CLEC9A: variants seen among roughly 807,000 people sequenced by gnomAD.
The protein encoded by CLEC9A is C-type lectin domain family 9 member A.
CLEC9A carries 24 observed loss-of-function variants against 30.0 expected under a neutral mutation model. The ratio of observed to expected loss-of-function variants is 0.80; its 90% CI spans 0.58 to 1.13. The LOEUF (loss-of-function observed/expected upper bound fraction) is 1.13. Ranked by LOEUF, CLEC9A falls within the 50% of genes most tolerant of loss-of-function variation. The probability of loss-of-function intolerance (pLI) is 0.00; values close to 1 mark genes in which losing one functional copy is unlikely to be tolerated. For missense variants in CLEC9A, 251 were observed against 280.9 expected (o/e 0.89, Z 0.76); for synonymous variants, 111 against 96.8 (o/e 1.15, Z -0.86).
chr12:10,033,845 G>A (rs1865721468), intron 1 of CLEC9A, among the ~76,000 whole-genome samples: 1 of 152,014 alleles, frequency 6.6e-6, no homozygotes, highest in Admixed American at 6.6e-5. Context: ...CCCAGAGAAT[G>A]GCCAGAATGA....
Position 10,063,086 on chromosome 12 carries a change from G to T in CLEC9A, c.351G>T (p.Trp117Cys). 1 of 1,607,926 alleles carries T rather than the reference G, an allele frequency of 6.2e-7. No homozygotes were observed. The highest frequency in any genetic ancestry group is 8.5e-7 in the Non-Finnish European group (1 of 1,177,996). The change falls in exon 7 of 9, where the codon TGG becomes TGT. Residue 117 changes from tryptophan to cysteine, a missense_variant. Physicochemically the swap from Trp to Cys is radical, Grantham distance 215. Transcript: ENST00000355819. ...ACAGCAGTCCTTGTCCAAACAATTG[G>T]ATTCAGAACAGAGAAAGTTGTTACT... ...AHNSSPCPNN[W>C]IQNRESCYYV...
chr12:10,037,729 A>G (rs551668833), intron 1 of CLEC9A, among the ~76,000 whole-genome samples: 1 of 152,334 alleles, frequency 6.6e-6, no homozygotes, highest in African/African-American at 2.4e-5. Flanking sequence ...AATCTTACAT[A>G]AAAGGATGTT....
intron 4 of CLEC9A, among the ~76,000 whole-genome samples, chr12:10,053,464 A>C (rs1591891320): frequency 1.3e-5 from 2 of 152,082 alleles, no homozygotes; most frequent in African/African-American, 4.8e-5. Context: ...AACCTCTTTA[A>C]ATGTTTCTCA....
chr12:10,034,003 G>T (rs1865723733), intron 1 of CLEC9A, among the ~76,000 whole-genome samples: 1 of 152,194 alleles, frequency 6.6e-6, no homozygotes, highest in African/African-American at 2.4e-5. Flanking sequence ...ATGGATATAG[G>T]ATGGAATTTA....
rs1866040725 is a variant in CLEC9A, at chr12:10,065,771, TAC to T, written c.*142_*143del. The T allele has an allele frequency of 2.6e-6, 2 of 766,676 alleles. No individual in the cohort carries two copies. Among genetic ancestry groups the T allele is most frequent in the East Asian group, 2.7e-5 (1 of 36,800 alleles). The allele number at this position is 766,676 out of a possible 1,614,324, so 47.5% of individuals were successfully genotyped here. A position where few individuals can be genotyped will look rare whatever the true frequency, so the allele number is the denominator to read the frequency against. On this transcript the variant is annotated 3_prime_UTR_variant, in exon 9 of 9. Transcript: ENST00000355819. The stretch of plus-strand genomic sequence containing the variant: ...AAATTAGCAACCTGGGACTCAATAA[TAC>T]ACTTGGGAATATTCTTCCACACCGT...
At chr12:10,064,182 A>G (rs1430895399) in intron 7 of CLEC9A, among the ~76,000 whole-genome samples, 1 of 152,212 alleles carries the variant, frequency 6.6e-6, no homozygotes, top group Non-Finnish European at 1.5e-5. Flanking sequence ...AAAAATCATG[A>G]GAAAATAATT....
At chr12:10,049,144 A>T (rs761989672) in intron 2 of CLEC9A, among the ~76,000 whole-genome samples, 1 of 141,058 alleles carries the variant, frequency 7.1e-6, no homozygotes, top group Non-Finnish European at 1.5e-5. Context: ...ATATTTTGAG[A>T]AAAAAAAAAG....
At chr12:10,032,187 G>A (rs1284835337) in intron 1 of CLEC9A, among the ~76,000 whole-genome samples, 1 of 152,186 alleles carries the variant, frequency 6.6e-6, no homozygotes, top group East Asian at 1.9e-4. Context: ...TTGGAAGGCA[G>A]TGTGGCAGTT....
intron 1 of CLEC9A, among the ~76,000 whole-genome samples, chr12:10,040,622 T>A (rs1865786439): frequency 6.6e-6 from 1 of 151,868 alleles, no homozygotes; most frequent in Non-Finnish European, 1.5e-5. Context: ...GGCTAATTTT[T>A]TGTATTTTTA....
At chr12:10,054,138 TC>T in intron 4 of CLEC9A, 132 bp from the exon 5 acceptor site, 1 of 720,200 alleles carries the variant, frequency 1.4e-6, no homozygotes, top group Non-Finnish European at 2.4e-6. Flanking sequence ...CTTTTACACA[TC>T]CCAGGCCCCA....
At chr12:10,049,294 G>A (rs1865874057) in intron 2 of CLEC9A, among the ~76,000 whole-genome samples, 1 of 152,112 alleles carries the variant, frequency 6.6e-6, no homozygotes, top group Non-Finnish European at 1.5e-5. Flanking sequence ...TAATTCTTAA[G>A]GTCTCTAGGG....
At chr12:10,051,219 A>G (rs1865890178) in intron 2 of CLEC9A, among the ~76,000 whole-genome samples, 2 of 151,790 alleles carry the variant, frequency 1.3e-5, no homozygotes, top group African/African-American at 4.8e-5. Flanking sequence ...AAAAAAAAAA[A>G]TGAATAAATA....
At chr12:10,035,407 C>T (rs762656275) in intron 1 of CLEC9A, among the ~76,000 whole-genome samples, 6 of 152,192 alleles carry the variant, frequency 3.9e-5, no homozygotes, top group Non-Finnish European at 8.8e-5. Context: ...TTCTGTATCA[C>T]ATATGTTCAA....
chr12:10,037,437 A>G (rs543472799), intron 1 of CLEC9A, among the ~76,000 whole-genome samples: 22 of 152,132 alleles, frequency 1.4e-4, no homozygotes, highest in Non-Finnish European at 2.9e-4. Context: ...GTGGCCAGAG[A>G]CCATTCAGGC....
intron 5 of CLEC9A, among the ~76,000 whole-genome samples, chr12:10,054,696 A>G (rs1865924502): frequency 1.3e-5 from 2 of 152,240 alleles, no homozygotes; most frequent in African/African-American, 2.4e-5. Context: ...ATATACATTT[A>G]AATTAAATTT....
Position 10,063,209 on chromosome 12 carries a change from A to G in CLEC9A, c.471+3A>G, listed in dbSNP as rs1425327567. ...AAATAGAGAGCAAAGAAGAAATGGT[A>G]AACACTGTTTTGTGGTCTCATGTTA... On this transcript the variant is annotated splice_donor_region_variant and intron_variant, in intron 7 of 8. Transcript: ENST00000355819. 3.8e-6 allele frequency: 6 copies of G among 1,589,826 alleles called. No individual in the cohort carries two copies. Among genetic ancestry groups the G allele is most frequent in the Non-Finnish European group, 5.1e-6 (6 of 1,171,700 alleles).
intron 1 of CLEC9A, among the ~76,000 whole-genome samples, chr12:10,037,705 C>T (rs1020183606): frequency 5.3e-5 from 8 of 152,108 alleles, no homozygotes; most frequent in African/African-American, 7.2e-5. Flanking sequence ...TTCTCAACAT[C>T]GTTATAACAA....
chr12:10,045,715 G>A (rs1565590246), intron 2 of CLEC9A: 2 of 218,394 alleles, frequency 9.2e-6, no homozygotes, highest in South Asian at 1.7e-4. Flanking sequence ...CCATAAATTG[G>A]TTATTTCTTC....
chr12:10,039,044 G>A (rs1401114248), intron 1 of CLEC9A, among the ~76,000 whole-genome samples: 1 of 152,324 alleles, frequency 6.6e-6, no homozygotes, highest in East Asian at 1.9e-4. Flanking sequence ...AGAAGGCAGG[G>A]GCAGGGGCAG....
Sources: allele counts gnomAD v4.1 joint callset (sites outside exome capture counted in the v4.1 genomes callset), GRCh38; gene constraint gnomAD v4.1.1; transcripts MANE v1.5; gene names NCBI Gene and HGNC (gene_info 2026-07-23, HGNC 2026-07-21).